EDN3: variants seen among roughly 807,000 people sequenced by gnomAD.
EDN3 encodes endothelin-3.
In EDN3, 9 loss-of-function variants were observed where a neutral mutation model predicts 21.4. That is an observed-to-expected ratio of 0.42 (90% CI 0.25 to 0.73). EDN3 has a LOEUF of 0.73. Ranked by LOEUF, EDN3 falls within the 30% of genes least tolerant of loss-of-function variation. The probability of loss-of-function intolerance (pLI) is 0.26; values close to 1 mark genes in which losing one functional copy is unlikely to be tolerated. For missense variants in EDN3, 327 were observed against 309.4 expected (o/e 1.06, Z -0.43); for synonymous variants, 133 against 126.2 (o/e 1.05, Z -0.36).
intron 2 of EDN3, among the ~76,000 whole-genome samples, chr20:59,320,582 G>A (rs1259235735): frequency 5.9e-5 from 9 of 152,364 alleles, no homozygotes; most frequent in South Asian, 2.1e-4. Context: ...AACCCGGCCC[G>A]GAGGAGCTAG....
chr20:59,320,997 C>T lies in EDN3; in HGVS notation c.366-20C>T. 6.2e-7 allele frequency: 1 copy of T among 1,614,186 alleles called. No homozygotes were observed. The highest frequency in any genetic ancestry group is 8.5e-7 in the Non-Finnish European group (1 of 1,180,038). Reference sequence around the variant, plus strand: ...GGGAGGCCTGGGTGTGCTCACCTAACATTACCCTGTGCTTTGCAGACAGAC... The same window carrying T: ...GGGAGGCCTGGGTGTGCTCACCTAATATTACCCTGTGCTTTGCAGACAGAC... On this transcript the variant is annotated intron_variant, in intron 2 of 4. Coordinates refer to ENST00000337938, the MANE Select transcript of EDN3 (RefSeq NM_207034.3).
chr20:59,307,111 C>T (rs1411075404), intron 2 of EDN3, among the ~76,000 whole-genome samples: 9 of 152,200 alleles, frequency 5.9e-5, no homozygotes, highest in Non-Finnish European at 1.2e-4. Context: ...CGCCACTGCA[C>T]TCCAGCCTGG....
chr20:59,301,498 AGAGACTGTGGCTGGCCCTGGCGAG>A lies in EDN3; in HGVS notation c.167_190del (p.Glu56_Glu63del), dbSNP rs749390209. 2.1e-4 allele frequency: 343 copies of A among 1,613,646 alleles called. No individual in the cohort carries two copies. The highest frequency in any genetic ancestry group is 2.1e-3 in the African/African-American group (154 of 74,968). On this transcript the variant is annotated inframe_deletion, in exon 2 of 5. Coordinates refer to ENST00000337938, the MANE Select transcript of EDN3 (RefSeq NM_207034.3). Reference sequence around the variant, plus strand: ...CAGCCAGATCTGAGGGGGACTGTGAAGAGACTGTGGCTGGCCCTGGCGAGGAGACTGTGGCTGGCCCTGGCGAGG... The same window carrying A: ...CAGCCAGATCTGAGGGGGACTGTGAAGAGACTGTGGCTGGCCCTGGCGAGG...
intron 2 of EDN3, among the ~76,000 whole-genome samples, chr20:59,316,299 T>A (rs1255767327): frequency 1.3e-5 from 2 of 152,236 alleles, no homozygotes; most frequent in African/African-American, 4.8e-5. Context: ...CCCCGCCCCT[T>A]GTCTGTCTTT....
chr20:59,318,015 C>A (rs999243255), intron 2 of EDN3, among the ~76,000 whole-genome samples: 1 of 152,194 alleles, frequency 6.6e-6, no homozygotes, highest in Non-Finnish European at 1.5e-5. Context: ...TGCCTCCCAC[C>A]CCACTGTAAG....
rs145414258 is a variant in EDN3, at chr20:59,301,651, G to C, written c.294G>C (p.Thr98=). 111 of 1,614,202 alleles carry C rather than the reference G, an allele frequency of 6.9e-5. No individual in the cohort carries two copies. Among genetic ancestry groups the C allele is most frequent in the African/African-American group, 4.8e-4 (36 of 75,070 alleles). ...APEHHRSRRC[T]CFTYKDKECV... is the part of the protein sequence containing the mutation. ...AGCACCACCGATCCAGGCGCTGCAC[G>C]TGCTTCACCTACAAGGACAAGGAGT... The change falls in exon 2 of 5, where the codon ACG becomes ACC. Residue 98 remains threonine, a synonymous_variant. Transcript: ENST00000337938.
Position 59,321,255 on chromosome 20 carries a change from G to T in EDN3, c.542+62G>T, listed in dbSNP as rs558876975. The T allele has an allele frequency of 5.1e-6, 8 of 1,570,124 alleles. No homozygotes were observed. In the South Asian group the frequency reaches 7.8e-5, roughly 15 times the overall value. ...ATGCATCAACCCTCGGCAAGGCCAG[G>T]CCAGGGGCTTCTCAAAGGAGGGTGT... On this transcript the variant is annotated intron_variant, in intron 3 of 4. Transcript: ENST00000337938.
chr20:59,322,491 AG>A lies in EDN3; in HGVS notation c.588+77del. On this transcript the variant is annotated intron_variant, in intron 4 of 4. Coordinates refer to ENST00000337938, the MANE Select transcript of EDN3 (RefSeq NM_207034.3). The surrounding 1 kb of genome is among the most constrained non-coding windows in gnomAD (Gnocchi z 4.1). The stretch of plus-strand genomic sequence containing the variant: ...GTGTCATTCCTTCGGGGGTGGGTGG[AG>A]GGTGTTTTGAGGGGATGGCATCTGG... 6.9e-7 allele frequency: 1 copy of A among 1,453,454 alleles called. No homozygotes were observed. The highest frequency in any genetic ancestry group is 1.1e-5 in the South Asian group (1 of 87,782). The allele number at this position is 1,453,454 out of a possible 1,614,324, so 90.0% of individuals were successfully genotyped here. A position where few individuals can be genotyped will look rare whatever the true frequency, so the allele number is the denominator to read the frequency against.
At chr20:59,323,730 G>A (rs1990683087) in intron 4 of EDN3, 2 of 401,382 alleles carry the variant, frequency 5.0e-6, no homozygotes, top group South Asian at 1.2e-4. Context: ...TCAGGTAGGG[G>A]AACCGGTGAG....
At chr20:59,311,816 C>T (rs374109320) in intron 2 of EDN3, among the ~76,000 whole-genome samples, 315 of 152,208 alleles carry the variant, frequency 2.1e-3, no homozygotes, top group African/African-American at 6.2e-3. Flanking sequence ...TGCTCTGGTT[C>T]GAACACCTCT....
At chr20:59,319,065 C>A (rs533871852) in intron 2 of EDN3, among the ~76,000 whole-genome samples, 1 of 152,146 alleles carries the variant, frequency 6.6e-6, no homozygotes, top group Non-Finnish European at 1.5e-5. Context: ...TGAGAAAAAA[C>A]GGGCTTGAAG....
chr20:59,324,185 G>A (rs1027887224), intron 4 of EDN3, 146 bp from the exon 5 acceptor site: 1 of 1,008,790 alleles, frequency 9.9e-7, no homozygotes, highest in African/African-American at 1.6e-5. Context: ...GAAGCACTGG[G>A]AAGAGGGTAC....
chr20:59,307,716 G>A (rs186447643), intron 2 of EDN3, among the ~76,000 whole-genome samples: 30 of 152,192 alleles, frequency 2.0e-4, no homozygotes, highest in East Asian at 1.5e-3. Flanking sequence ...TCATTCTGTC[G>A]CCCAGGCTGA....
intron 2 of EDN3, among the ~76,000 whole-genome samples, chr20:59,312,325 C>T (rs920885280): frequency 7.2e-5 from 11 of 152,160 alleles, no homozygotes; most frequent in African/African-American, 1.2e-4. Context: ...ATTCCATAGA[C>T]GGCTTAATTC....
intron 2 of EDN3, 117 bp downstream of exon 2, chr20:59,301,839 G>C: frequency 8.1e-7 from 1 of 1,229,872 alleles, no homozygotes; most frequent in Non-Finnish European, 1.2e-6. Flanking sequence ...GCCTGCCCTG[G>C]CACAGCCTTT....
chr20:59,314,267 C>T (rs1990033377), intron 2 of EDN3, among the ~76,000 whole-genome samples: 1 of 152,170 alleles, frequency 6.6e-6, no homozygotes, highest in African/African-American at 2.4e-5. Context: ...GAAAATTTTT[C>T]CTTGTCCTCA....
intron 2 of EDN3, among the ~76,000 whole-genome samples, chr20:59,307,684 T>G (rs1989520954): frequency 6.6e-6 from 1 of 152,106 alleles, no homozygotes; most frequent in Non-Finnish European, 1.5e-5. Context: ...AAGGGTGGTT[T>G]TGTTCTTTTT....
intron 2 of EDN3, among the ~76,000 whole-genome samples, chr20:59,316,830 T>G (rs555120034): frequency 6.2e-4 from 94 of 152,322 alleles, no homozygotes; most frequent in Non-Finnish European, 1.2e-3. Flanking sequence ...AGTGATAATT[T>G]ATTGGATGAA....
At chr20:59,324,092 C>T (rs894559851) in intron 4 of EDN3, among the ~76,000 whole-genome samples, 7 of 152,180 alleles carry the variant, frequency 4.6e-5, no homozygotes, top group South Asian at 2.1e-4. Flanking sequence ...GGCCAGGCTG[C>T]GGGAGGGCCC....
Sources: allele counts gnomAD v4.1 joint callset (sites outside exome capture counted in the v4.1 genomes callset), GRCh38; gene constraint gnomAD v4.1.1; non-coding constraint Gnocchi (gnomAD v3.1); transcripts MANE v1.5; gene names NCBI Gene and HGNC (gene_info 2026-07-23, HGNC 2026-07-21).